Variants in AMPD1 observed in about 807,000 individuals in gnomAD.
AMPD1 encodes the protein adenosine monophosphate deaminase 1, also known as AMP deaminase 1.
A neutral mutation model predicts 82.9 loss-of-function variants in AMPD1; 74 were observed. That is an observed-to-expected ratio of 0.89 (90% CI 0.74 to 1.08). The LOEUF (loss-of-function observed/expected upper bound fraction) is 1.08. Among genes scored for constraint, AMPD1 ranks in the 50% least tolerant of loss-of-function variants. The pLI is 0.00. For synonymous variants in AMPD1, 333 were observed against 320.5 expected (o/e 1.04, Z -0.42); for missense variants, 881 against 924.5 (o/e 0.95, Z 0.61).
chr1:114,674,996 T>C lies in AMPD1; in HGVS notation c.1680-124A>G, dbSNP rs1570837261. The C allele has an allele frequency of 1.9e-5, 24 of 1,247,572 alleles. No individual in the cohort carries two copies. In the East Asian group the frequency reaches 5.8e-4, roughly 30 times the overall value. 77.3% of individuals were successfully genotyped at this position (1,247,572 alleles called of 1,614,324 possible). A position where few individuals can be genotyped will look rare whatever the true frequency, so the allele number is the denominator to read the frequency against. ...CCATCCAAAGGATTCAGCAAAACAG[T>C]CCCAAATCATAATCTTAATTCTTGC... On this transcript the variant is annotated intron_variant, in intron 12 of 15. Coordinates refer to ENST00000520113, the MANE Select transcript of AMPD1 (RefSeq NM_000036.3).
chr1:114,685,405 A>G (rs1658284606), intron 4 of AMPD1, among the ~76,000 whole-genome samples: 2 of 152,204 alleles, frequency 1.3e-5, no homozygotes, highest in Admixed American at 1.3e-4. Flanking sequence ...AGGAATTAAT[A>G]ATCTTGAGAA....
intron 5 of AMPD1, 81 bp downstream of exon 5, chr1:114,684,118 T>TTATTTTAAATTTTA: frequency 1.4e-6 from 2 of 1,421,958 alleles, no homozygotes; most frequent in Non-Finnish European, 1.9e-6. Flanking sequence ...GGATTACTTA[T>TTATTTTAAATTTTA]AATCTAGAGG....
At chr1:114,674,114 A>T in intron 13 of AMPD1, 32 bp from the exon 14 acceptor site, 1 of 1,593,854 alleles carries the variant, frequency 6.3e-7, no homozygotes, top group Non-Finnish European at 8.6e-7. Flanking sequence ...ATATTTAAAG[A>T]TGTTGAAAAA....
rs201988963 is a variant in AMPD1 at position 114,680,345 on chromosome 1, A to G, written c.681T>C (p.Asp227=). 4.4e-4 allele frequency: 714 copies of G among 1,614,208 alleles called. 5 individuals carry two copies. In the East Asian group the frequency reaches 0.014, roughly 31 times the overall value. Residue 227 remains aspartate, a synonymous_variant, in exon 6 of 16, where the codon GAT becomes GAC. Transcript: ENST00000520113. ...TTGGGTAAGGAAGTGGCTTAGGCTCATCTTTGCTGACTGCTGCTTCATTAG... is the reference window on the plus strand; with the variant it reads ...TTGGGTAAGGAAGTGGCTTAGGCTCGTCTTTGCTGACTGCTGCTTCATTAG... The part of the protein sequence containing the change: ...VYPNEAAVSK[D]EPKPLPYPNL...
Position 114,673,197 on chromosome 1 carries a change from C to G in AMPD1, c.2161G>C (p.Ala721Pro). 6.2e-7 allele frequency: 1 copy of G among 1,614,122 alleles called. No homozygotes were observed. Among genetic ancestry groups the G allele is most frequent in the South Asian group, 1.1e-5 (1 of 91,076 alleles). The change falls in exon 16 of 16, where the codon GCC (alanine) becomes CCC (proline). Residue 721 changes from alanine to proline, a missense_variant. By Grantham distance (27) the Ala-to-Pro change is conservative. Coordinates refer to ENST00000520113, the MANE Select transcript of AMPD1 (RefSeq NM_000036.3). Reference protein sequence around the residue: ...AGNDIRRTNVAQIRMAYRYET... With the variant: ...AGNDIRRTNVPQIRMAYRYET... ...TAGCGATAGGCCATGCGGATTTGGG[C>G]TACATTTGTCCTCCGGATATCATTT...
chr1:114,694,707 G>A (rs1210586020), intron 1 of AMPD1, among the ~76,000 whole-genome samples: 1 of 152,028 alleles, frequency 6.6e-6, no homozygotes. Context: ...AGCTGGGCGT[G>A]GTGGCAAGTG....
Position 114,688,596 on chromosome 1 carries a change from A to G in AMPD1, c.180T>C (p.His60=), listed in dbSNP as rs897295422. Residue 60 remains histidine, a synonymous_variant, in exon 3 of 16, where the codon CAT becomes CAC. Coordinates refer to ENST00000520113, the MANE Select transcript of AMPD1 (RefSeq NM_000036.3). ...CTGTGGAGGTGGACAGAGTCTCCAGATGGAATATGTGTGCTTGCATCTCAT... is the reference window on the plus strand; with the variant it reads ...CTGTGGAGGTGGACAGAGTCTCCAGGTGGAATATGTGTGCTTGCATCTCAT... The part of the protein sequence containing the change: ...SHHEMQAHIF[H]LETLSTSTEA... 2 of 1,614,042 alleles carry G rather than the reference A, an allele frequency of 1.2e-6. No individual in the cohort carries two copies. The highest frequency in any genetic ancestry group is 2.2e-5 in the East Asian group (1 of 44,886).
At chr1:114,674,693 A>C in intron 13 of AMPD1, 59 bp downstream of exon 13, 1 of 1,576,626 alleles carries the variant, frequency 6.3e-7, no homozygotes, top group Non-Finnish European at 8.7e-7. Flanking sequence ...TGGTTGGTTA[A>C]GGGAAAAAAG....
intron 1 of AMPD1, among the ~76,000 whole-genome samples, chr1:114,694,111 C>T (rs1346566700): frequency 2.0e-5 from 3 of 151,818 alleles, no homozygotes; most frequent in Non-Finnish European, 2.9e-5. Flanking sequence ...CCCAACTACT[C>T]GGGAGACTGA....
At chr1:114,685,805 A>T (rs1488514091) in intron 4 of AMPD1, among the ~76,000 whole-genome samples, 1 of 152,128 alleles carries the variant, frequency 6.6e-6, no homozygotes, top group Non-Finnish European at 1.5e-5. Context: ...TTAGTTATTT[A>T]GTGTCTAAAC....
Position 114,673,901 on chromosome 1 carries a change from T to C in AMPD1, c.1974+8A>G, listed in dbSNP as rs752398358. 1.1e-5 allele frequency: 17 copies of C among 1,613,422 alleles called. No homozygotes were observed. The highest frequency in any genetic ancestry group is 1.7e-4 in the Middle Eastern group (1 of 6,060). The stretch of plus-strand genomic sequence containing the variant: ...AATATGCTTGTATTGCCCAAGTCCA[T>C]ACTATACCTTGGTAAAGTGGAATTG... On this transcript the variant is annotated splice_region_variant and intron_variant, in intron 14 of 15. Transcript: ENST00000520113.
intron 10 of AMPD1, among the ~76,000 whole-genome samples, chr1:114,676,844 C>T (rs1167689784): frequency 2.0e-5 from 3 of 152,064 alleles, no homozygotes; most frequent in East Asian, 1.9e-4. Flanking sequence ...TCCCTGAAGG[C>T]GATGAATGAT....
chr1:114,694,696 T>C (rs1057457179), intron 1 of AMPD1, among the ~76,000 whole-genome samples: 2 of 152,024 alleles, frequency 1.3e-5, no homozygotes, highest in African/African-American at 4.8e-5. Context: ...ATACAAAAAC[T>C]AGCTGGGCGT....
chr1:114,675,690 T>C lies in AMPD1; in HGVS notation c.1519A>G (p.Thr507Ala), dbSNP rs777771945. The stretch of plus-strand genomic sequence containing the variant: ...TCATCATCCACACTGTCAAAGCCAG[T>C]GATCTGTTAGGAAAAGTGAGCCATG... ...PELSVFLKHITGFDSVDDESK... is the reference protein window; with the variant it reads ...PELSVFLKHIAGFDSVDDESK... The change falls in exon 12 of 16, where the codon ACT becomes GCT. Residue 507 changes from threonine (T) to alanine (A), a missense_variant. Transcript: ENST00000520113. 3.1e-6 allele frequency: 5 copies of C among 1,614,062 alleles called. No homozygotes were observed. In the Admixed American group the frequency reaches 5.0e-5, roughly 16 times the overall value.
chr1:114,692,734 G>A (rs146828606), intron 2 of AMPD1, among the ~76,000 whole-genome samples: 2 of 148,492 alleles, frequency 1.3e-5, no homozygotes, highest in Non-Finnish European at 3.0e-5. Context: ...ATTTTATCTG[G>A]TCACAAAAAT....
rs1202167621 is a variant in AMPD1 at position 114,680,295 on chromosome 1, A to G, written c.731T>C (p.Met244Thr). 4 of 1,614,068 alleles carry G rather than the reference A, an allele frequency of 2.5e-6. No individual in the cohort carries two copies. In the African/African-American group the frequency reaches 4.0e-5, roughly 16 times the overall value. The change falls in exon 6 of 16, where the codon ATG (methionine) becomes ACG (threonine). Residue 244 changes from methionine (M) to threonine (T), a missense_variant. Transcript: ENST00000520113. ...AGCAATTAAAGCAAGTAAAAAATTC[A>G]TATCGTCTAAGAAGGTGTCCAGATT... ...YPNLDTFLDD[M>T]NFLLALIAQG...
At position 114,673,163 on chromosome 1, in the gene AMPD1, C is replaced by G. The variant is rs1163298808; in HGVS notation, c.2195G>C (p.Trp732Ser). Reference sequence around the variant, plus strand: ...AGCAATTAAATTGAGTTCATAACACCAGGTTTCATAGCGATAGGCCATGCG... The same window carrying G: ...AGCAATTAAATTGAGTTCATAACACGAGGTTTCATAGCGATAGGCCATGCG... ...QIRMAYRYET[W>S]CYELNLIAEG... The change falls in exon 16 of 16, where the codon TGG (tryptophan) becomes TCG (serine). Residue 732 changes from tryptophan to serine, a missense_variant. Trp to Ser is a radical substitution (Grantham distance 177). Around this residue, in one of 2 missense-constraint regions of AMPD1, gnomAD observed 98 missense variants for 138.1 expected, o/e 0.71. Transcript: ENST00000520113. 1 of 1,613,944 alleles carries G rather than the reference C, an allele frequency of 6.2e-7. No homozygotes were observed. Among genetic ancestry groups the G allele is most frequent in the Non-Finnish European group, 8.5e-7 (1 of 1,179,980 alleles).
intron 5 of AMPD1, among the ~76,000 whole-genome samples, chr1:114,683,861 C>A (rs1658233790): frequency 6.6e-6 from 1 of 152,124 alleles, no homozygotes; most frequent in Non-Finnish European, 1.5e-5. Context: ...GAAGGATGTG[C>A]TCAGATCTGT....
intron 5 of AMPD1, among the ~76,000 whole-genome samples, chr1:114,682,493 A>T (rs1658186318): frequency 6.6e-6 from 1 of 152,204 alleles, no homozygotes; most frequent in Non-Finnish European, 1.5e-5. Flanking sequence ...GACATGTTTA[A>T]TATGATTTTA....
Sources: allele counts gnomAD v4.1 joint callset (sites outside exome capture counted in the v4.1 genomes callset), GRCh38; gene constraint gnomAD v4.1.1; regional missense constraint gnomAD v4.1.1; transcripts MANE v1.5; gene names NCBI Gene and HGNC (gene_info 2026-07-23, HGNC 2026-07-21).